The following GPD1L variants were observed in gnomAD, a reference collection of about 807,000 sequenced individuals.
GPD1L encodes the protein glycerol-3-phosphate dehydrogenase 1 like.
In GPD1L, 17 loss-of-function variants were observed where a neutral mutation model predicts 32.9. The observed-to-expected ratio is 0.52, with a 90% CI of 0.35 to 0.78. The LOEUF (loss-of-function observed/expected upper bound fraction) is 0.78. Ranked by LOEUF, GPD1L falls within the 30% of genes least tolerant of loss-of-function variation. GPD1L has a pLI of 0.01. For synonymous variants in GPD1L, 187 were observed against 165.9 expected, an observed-to-expected ratio of 1.13 and a Z score of -0.98; for missense variants, 361 against 447.8, an observed-to-expected ratio of 0.81 and a Z score of 1.75.
Position 32,166,071 on chromosome 3 carries a change from T to G in GPD1L, c.*161T>G. 1.5e-6 allele frequency: 1 copy of G among 676,398 alleles called. No homozygotes were observed. Among genetic ancestry groups the G allele is most frequent in the Non-Finnish European group, 2.7e-6 (1 of 368,888 alleles). 41.9% of individuals were successfully genotyped at this position (676,398 alleles called of 1,614,324 possible). The stretch of plus-strand genomic sequence containing the variant: ...TTTTTGAATTGTGAGAGGCAGTTCA[T>G]TAGCAAAGATGTACTGGGCAGTAAC... On this transcript the variant is annotated 3_prime_UTR_variant, in exon 8 of 8. Coordinates refer to ENST00000282541, the MANE Select transcript of GPD1L (RefSeq NM_015141.4).
At chr3:32,108,405 G>T (rs1293038612) in intron 1 of GPD1L, among the ~76,000 whole-genome samples, 2 of 152,204 alleles carry the variant, frequency 1.3e-5, no homozygotes, top group Non-Finnish European at 1.5e-5. Context: ...TACTTGGGAT[G>T]CTAAGGCAGC....
chr3:32,157,940 A>G (rs1030151107), intron 5 of GPD1L, among the ~76,000 whole-genome samples: 12 of 152,052 alleles, frequency 7.9e-5, no homozygotes, highest in African/African-American at 2.9e-4. Flanking sequence ...CTCCATAAAT[A>G]CTCATTTGGG....
chr3:32,163,034 A>C (rs11919700), intron 7 of GPD1L, among the ~76,000 whole-genome samples: 17,135 of 152,038 alleles, frequency 0.11, 1,081 homozygotes, highest in African/African-American at 0.14. Flanking sequence ...GCTGGATTAC[A>C]GGCATGAGCC....
intron 5 of GPD1L, among the ~76,000 whole-genome samples, chr3:32,155,667 C>T (rs1457788705): frequency 2.6e-5 from 4 of 152,154 alleles, no homozygotes; most frequent in Non-Finnish European, 5.9e-5. Flanking sequence ...CTCTGGGCTT[C>T]GGCAGTCAGA....
chr3:32,141,158 AGGAAGCTCTGAGAGATGTCAG>A (rs1437295512), intron 4 of GPD1L, among the ~76,000 whole-genome samples: 1 of 152,236 alleles, frequency 6.6e-6, no homozygotes, highest in Non-Finnish European at 1.5e-5. Context: ...GCTTTGTAAA[AGGAAGCTCTGAGAGATGTCAG>A]GCTCTCTTGC....
intron 7 of GPD1L, among the ~76,000 whole-genome samples, chr3:32,165,222 G>GA (rs1326821728): frequency 6.6e-6 from 1 of 151,800 alleles, no homozygotes; most frequent in East Asian, 1.9e-4. Flanking sequence ...AAAGAAAAAA[G>GA]AAAAAAAGCC....
chr3:32,150,127 C>T (rs957078901), intron 5 of GPD1L, among the ~76,000 whole-genome samples: 45 of 152,176 alleles, frequency 3.0e-4, no homozygotes, highest in Non-Finnish European at 4.7e-4. Flanking sequence ...ACCCCAGCCT[C>T]CAGTTGGGCA....
At chr3:32,110,710 T>C (rs1700233578) in intron 1 of GPD1L, among the ~76,000 whole-genome samples, 1 of 152,228 alleles carries the variant, frequency 6.6e-6, no homozygotes, top group Non-Finnish European at 1.5e-5. Context: ...GGGGCCGTCA[T>C]GCATCCAGCT....
chr3:32,160,592 T>A lies in GPD1L; in HGVS notation c.959+918T>A, dbSNP rs1322709311. Among the ~76,000 whole-genome samples, 5 of 128,782 alleles carry A rather than the reference T, an allele frequency of 3.9e-5. 1 individual carries two copies. The highest frequency in any genetic ancestry group is 1.6e-4 in the African/African-American group (5 of 31,322). 84.5% of individuals were successfully genotyped at this position (128,782 alleles called of 152,430 possible). A position where few individuals can be genotyped will look rare whatever the true frequency, so the allele number is the denominator to read the frequency against. On this transcript the variant is annotated intron_variant, in intron 7 of 7. Transcript: ENST00000282541. ...GGATGGGATGAGATAGACGGAGGGA[T>A]GGATAATGGATGGGTGCATGGATAG... is the stretch of plus-strand genomic sequence containing the variant.
chr3:32,141,463 T>G (rs1213870899), intron 4 of GPD1L, among the ~76,000 whole-genome samples: 1 of 152,214 alleles, frequency 6.6e-6, no homozygotes, highest in Non-Finnish European at 1.5e-5. Context: ...GCTGAATATG[T>G]AACAAAAACC....
intron 1 of GPD1L, among the ~76,000 whole-genome samples, chr3:32,119,223 A>G (rs1278751258): frequency 6.6e-6 from 1 of 152,258 alleles, no homozygotes; most frequent in East Asian, 1.9e-4. Flanking sequence ...AGTATTTTAC[A>G]AATCTACAAA....
intron 1 of GPD1L, among the ~76,000 whole-genome samples, chr3:32,122,142 G>A (rs1236496733): frequency 6.6e-6 from 1 of 152,148 alleles, no homozygotes. Context: ...GCTCCATGAG[G>A]ATGGGGACTT....
intron 1 of GPD1L, among the ~76,000 whole-genome samples, chr3:32,108,912 C>T (rs1441093303): frequency 1.6e-4 from 24 of 152,220 alleles, no homozygotes; most frequent in Admixed American, 1.3e-3. Flanking sequence ...TGCAGTGGCG[C>T]GATCTCTGCT....
chr3:32,156,591 A>G (rs9826927), intron 5 of GPD1L, among the ~76,000 whole-genome samples: 83,526 of 151,938 alleles, frequency 0.55, 24,857 homozygotes, highest in East Asian at 0.86. Flanking sequence ...GGGAGTAGAC[A>G]GAAACTTCAG....
At chr3:32,146,868 T>C in intron 5 of GPD1L, 134 bp downstream of exon 5, 1 of 722,740 alleles carries the variant, frequency 1.4e-6, no homozygotes, top group Non-Finnish European at 2.5e-6. Flanking sequence ...GTCTTGTTTA[T>C]AACTTCCTGT....
At chr3:32,153,906 C>T (rs142715856) in intron 5 of GPD1L, among the ~76,000 whole-genome samples, 17 of 152,106 alleles carry the variant, frequency 1.1e-4, no homozygotes, top group Admixed American at 9.8e-4. Context: ...CTGAGTATTC[C>T]GTCACTCAGG....
At chr3:32,159,532 A>G (rs942568441) in intron 6 of GPD1L, 36 bp from the exon 7 acceptor site, 5 of 1,176,188 alleles carry the variant, frequency 4.3e-6, no homozygotes, top group Admixed American at 1.7e-5. Flanking sequence ...AGTCTTTACC[A>G]TAGTTTTTTT....
At chr3:32,126,014 T>C (rs1700502273) in intron 1 of GPD1L, among the ~76,000 whole-genome samples, 1 of 152,160 alleles carries the variant, frequency 6.6e-6, no homozygotes. Flanking sequence ...TAGTTCTTAA[T>C]GGTACCAATG....
chr3:32,117,819 G>T lies in GPD1L; in HGVS notation c.48-10257G>T, dbSNP rs138475471. On this transcript the variant is annotated intron_variant, in intron 1 of 7. Coordinates refer to ENST00000282541, the MANE Select transcript of GPD1L (RefSeq NM_015141.4). ...GACATTCTCCAGGACCCTGTGTGTT[G>T]TTCTCCTGAGTGGGCAGGTAGATTC... is the stretch of plus-strand genomic sequence containing the variant. 9.8e-3 allele frequency among the ~76,000 whole-genome samples: 1,489 copies of T among 152,288 alleles called. 13 individuals are homozygous for T. Among genetic ancestry groups the T allele is most frequent in the Middle Eastern group, 0.041 (12 of 294 alleles).
Sources: gnomAD v4.1 joint callset for allele counts (sites outside exome capture counted in the v4.1 genomes callset) on GRCh38, gnomAD v4.1.1 for gene constraint, MANE v1.5 for transcripts, NCBI Gene and HGNC (gene_info 2026-07-23, HGNC 2026-07-21) for gene names.